Variants in PPIAL4F observed in about 807,000 individuals in gnomAD.
PPIAL4F encodes the protein peptidyl-prolyl cis-trans isomerase A-like 4F.
rs1553567293 is a variant in PPIAL4F at position 144,593,132 on chromosome 1, G to A, written c.190G>A (p.Gly64Ser). 1 of 8,626 alleles carries A rather than the reference G, an allele frequency of 1.2e-4. No individual in the cohort carries two copies. The highest frequency in any genetic ancestry group is 1.9e-4 in the Non-Finnish European group (1 of 5,304). The allele number at this position is 8,626 out of a possible 1,614,324, so 0.5% of individuals were successfully genotyped here. The stretch of plus-strand genomic sequence containing the variant: ...AATTATTCCAGGGTTTATGTGTCAG[G>A]GTGGTGACTTCACACGCCCTAATGG... ...HRIIPGFMCQGGDFTRPNGTG... is the reference protein window; with the variant it reads ...HRIIPGFMCQSGDFTRPNGTG... The change falls in exon 1 of 1, where the codon GGT becomes AGT. Residue 64 changes from glycine to serine, a missense_variant. Physicochemically the swap from Gly to Ser is moderately conservative, Grantham distance 56. Coordinates refer to ENST00000581138, the MANE Select transcript of PPIAL4F (RefSeq NM_001164262.3).
Position 144,593,140 on chromosome 1 carries a change from C to A in PPIAL4F, c.198C>A (p.Asp66Glu). 1 of 7,516 alleles carries A rather than the reference C, an allele frequency of 1.3e-4. No homozygotes were observed. Among genetic ancestry groups the A allele is most frequent in the Non-Finnish European group, 2.2e-4 (1 of 4,576 alleles). The allele number at this position is 7,516 out of a possible 1,614,324, so 0.5% of individuals were successfully genotyped here. ...CAGGGTTTATGTGTCAGGGTGGTGA[C>A]TTCACACGCCCTAATGGCACCGGTG... ...IIPGFMCQGG[D>E]FTRPNGTGDK... is the part of the protein sequence containing the mutation. The change falls in exon 1 of 1, where the codon GAC (aspartate) becomes GAA (glutamate). Residue 66 changes from aspartate to glutamate, a missense_variant. Asp to Glu is a conservative substitution (Grantham distance 45). Transcript: ENST00000581138.
In PPIAL4F at chr1:144,593,047, C is replaced by G; in HGVS notation, c.105C>G (p.Asn35Lys). ...FADKIPKTAE[N>K]FRALSTGEKG... ...ACAAGATTCCAAAGACAGCAGAAAACTTTCGTGCTCTGAGCACTGGAGAGA... is the reference window on the plus strand; with the variant it reads ...ACAAGATTCCAAAGACAGCAGAAAAGTTTCGTGCTCTGAGCACTGGAGAGA... Residue 35 changes from asparagine (N) to lysine (K), a missense_variant, in exon 1 of 1, where the codon AAC (asparagine) becomes AAG (lysine). Asn to Lys is a moderately conservative substitution (Grantham distance 94). Transcript: ENST00000581138. 4.2e-5 allele frequency: 1 copy of G among 23,844 alleles called. No individual in the cohort carries two copies. Among genetic ancestry groups the G allele is most frequent in the Non-Finnish European group, 6.4e-5 (1 of 15,680 alleles). The allele number at this position is 23,844 out of a possible 1,614,324, so 1.5% of individuals were successfully genotyped here.
Sources: gnomAD v4.1 joint callset for allele counts on GRCh38, gnomAD v4.1.1 for gene constraint, MANE v1.5 for transcripts, NCBI Gene and HGNC (gene_info 2026-07-23, HGNC 2026-07-21) for gene names.